The following WLS variants were observed in gnomAD, a reference collection of about 807,000 sequenced individuals.
WLS encodes protein wntless homolog.
Under a neutral mutation model 62.8 loss-of-function variants are expected in WLS, and 23 were observed. The ratio of observed to expected loss-of-function variants is 0.37; its 90% CI spans 0.26 to 0.52. WLS has a LOEUF of 0.52. Among genes scored for constraint, WLS ranks in the 20% least tolerant of loss-of-function variants. WLS has a pLI of 0.92. For missense variants in WLS, 615 were observed against 697.3 expected (o/e 0.88, Z 1.33); for synonymous variants, 246 against 244.1 (o/e 1.01, Z -0.07).
intron 11 of WLS, among the ~76,000 whole-genome samples, chr1:68,106,967 C>T (rs1244951504): frequency 6.6e-6 from 1 of 152,106 alleles, no homozygotes; most frequent in Non-Finnish European, 1.5e-5. Context: ...TGCATTTGAA[C>T]GTGTATATTC....
chr1:68,213,878 C>T (rs1649622997), intron 1 of WLS, among the ~76,000 whole-genome samples: 1 of 152,182 alleles, frequency 6.6e-6, no homozygotes, highest in Admixed American at 6.5e-5. Context: ...CTCATTGCTT[C>T]CTCGGCCTCA....
intron 5 of WLS, among the ~76,000 whole-genome samples, chr1:68,151,701 G>A (rs1482939826): frequency 6.6e-6 from 1 of 152,198 alleles, no homozygotes; most frequent in South Asian, 2.1e-4. Flanking sequence ...AGGCCCTGGG[G>A]TGTGGGTTTG....
intron 4 of WLS, 111 bp downstream of exon 4, chr1:68,154,988 A>G: frequency 8.8e-7 from 1 of 1,137,252 alleles, no homozygotes; most frequent in Non-Finnish European, 1.2e-6. Context: ...AGCCATCATG[A>G]GTATGTTATT....
chr1:68,165,967 G>T (rs1259963853), intron 2 of WLS, among the ~76,000 whole-genome samples: 1 of 152,176 alleles, frequency 6.6e-6, no homozygotes, highest in Non-Finnish European at 1.5e-5. Flanking sequence ...CAGAGACAAG[G>T]CTAGATAGGA....
At chr1:68,140,556 G>A (rs1475110895) in intron 10 of WLS, among the ~76,000 whole-genome samples, 1 of 152,166 alleles carries the variant, frequency 6.6e-6, no homozygotes, top group Non-Finnish European at 1.5e-5. Context: ...GATGCCCATA[G>A]TATGAGAGGC....
chr1:68,105,441 C>T (rs549719807), intron 11 of WLS, among the ~76,000 whole-genome samples: 1 of 135,902 alleles, frequency 7.4e-6, no homozygotes, highest in South Asian at 2.3e-4. Flanking sequence ...TTTTATATGC[C>T]ACAAAGCCAT....
chr1:68,106,755 T>G (rs1040341399), intron 11 of WLS, among the ~76,000 whole-genome samples: 4 of 150,236 alleles, frequency 2.7e-5, no homozygotes, highest in African/African-American at 9.9e-5. Context: ...TGTGTGTATG[T>G]GTGGGTAGGT....
At chr1:68,176,991 T>C (rs1647285804) in intron 2 of WLS, among the ~76,000 whole-genome samples, 1 of 152,220 alleles carries the variant, frequency 6.6e-6, no homozygotes, top group Admixed American at 6.5e-5. Flanking sequence ...TGATCTTTTC[T>C]TACCACTCTT....
At chr1:68,105,843 A>G (rs1646136128) in intron 11 of WLS, among the ~76,000 whole-genome samples, 1 of 152,210 alleles carries the variant, frequency 6.6e-6, no homozygotes. Context: ...ACCTAACACC[A>G]GATGAGTGGA....
chr1:68,170,431 G>A (rs763774842), intron 2 of WLS, among the ~76,000 whole-genome samples: 2 of 152,028 alleles, frequency 1.3e-5, no homozygotes, highest in Non-Finnish European at 2.9e-5. Flanking sequence ...GACTCCCAAA[G>A]TGTTGGGATT....
At chr1:68,101,207 T>C (rs930820162) in intron 11 of WLS, among the ~76,000 whole-genome samples, 6 of 152,066 alleles carry the variant, frequency 3.9e-5, no homozygotes, top group African/African-American at 1.5e-4. Flanking sequence ...ATGATAATAA[T>C]CAACACCTCA....
intron 10 of WLS, chr1:68,138,456 T>C (rs1646642985): frequency 6.6e-6 from 1 of 152,344 alleles, no homozygotes; most frequent in African/African-American, 2.4e-5. Flanking sequence ...TGTCCGTAAG[T>C]GTAACATAAA....
Position 68,155,213 on chromosome 1 carries a change from G to A in WLS, c.552C>T (p.Phe184=). The A allele has an allele frequency of 6.2e-7, 1 of 1,613,872 alleles. No homozygotes were observed. Among genetic ancestry groups the A allele is most frequent in the Non-Finnish European group, 8.5e-7 (1 of 1,179,908 alleles). Residue 184 remains phenylalanine, a synonymous_variant, in exon 4 of 12, where the codon TTC becomes TTT. Coordinates refer to ENST00000262348, the MANE Select transcript of WLS (RefSeq NM_024911.7). ...TATGGGCCACAGACCCAATTTCCAT[G>A]AAAGGAAGGACATCACATTCATAGT... ...GRYYECDVLP[F]MEIGSVAHKF...
intron 1 of WLS, among the ~76,000 whole-genome samples, chr1:68,224,584 T>C (rs1168809778): frequency 6.6e-6 from 1 of 152,182 alleles, no homozygotes; most frequent in Non-Finnish European, 1.5e-5. Context: ...AGTGTTGGCA[T>C]GTAATTTCTG....
intron 2 of WLS, among the ~76,000 whole-genome samples, chr1:68,172,657 T>C (rs921796636): frequency 1.3e-5 from 2 of 152,122 alleles, no homozygotes; most frequent in Non-Finnish European, 2.9e-5. Flanking sequence ...TCAAGAATTG[T>C]AGCACAGAAG....
intron 1 of WLS, among the ~76,000 whole-genome samples, chr1:68,196,519 A>G (rs868225102): frequency 8.5e-5 from 13 of 152,130 alleles, no homozygotes; most frequent in African/African-American, 2.7e-4. Flanking sequence ...AGAAAGTTAT[A>G]TAACGGGAAA....
intron 2 of WLS, chr1:68,176,238 C>T (rs1647251859): frequency 7.0e-6 from 1 of 143,198 alleles, no homozygotes; most frequent in Non-Finnish European, 1.6e-5. Flanking sequence ...CTGGCAACCC[C>T]TAGATTCCGA....
intron 1 of WLS, among the ~76,000 whole-genome samples, chr1:68,223,703 C>T (rs1020651667): frequency 2.6e-4 from 39 of 152,156 alleles, no homozygotes; most frequent in African/African-American, 8.7e-4. Context: ...GTAGCAATCC[C>T]CATGAGGAAG....
chr1:68,225,604 C>A (rs1475885304), intron 1 of WLS, among the ~76,000 whole-genome samples: 1 of 152,184 alleles, frequency 6.6e-6, no homozygotes, highest in Non-Finnish European at 1.5e-5. Flanking sequence ...ACAAAATGTA[C>A]CTATTCCTGC....
Sources: gnomAD v4.1 joint callset for allele counts (sites outside exome capture counted in the v4.1 genomes callset) on GRCh38, gnomAD v4.1.1 for gene constraint, MANE v1.5 for transcripts, NCBI Gene and HGNC (gene_info 2026-07-23, HGNC 2026-07-21) for gene names.